Variants in CDH20 observed in about 807,000 individuals in gnomAD.
The protein encoded by CDH20 is cadherin-20.
Under a neutral mutation model 74.2 loss-of-function variants are expected in CDH20, and 29 were observed. That is an observed-to-expected ratio of 0.39 (90% CI 0.29 to 0.53). CDH20 has a LOEUF of 0.53. Among genes scored for constraint, CDH20 ranks in the 20% least tolerant of loss-of-function variants. The probability of loss-of-function intolerance (pLI) is 0.69; values close to 1 mark genes in which losing one functional copy is unlikely to be tolerated. For missense variants in CDH20, 988 were observed against 1,048.3 expected, an observed-to-expected ratio of 0.94 and a Z score of 0.79; for synonymous variants, 469 against 405.4, an observed-to-expected ratio of 1.16 and a Z score of -1.88.
chr18:61,343,908 G>A (rs1427837233), intron 1 of CDH20, among the ~76,000 whole-genome samples: 1 of 152,162 alleles, frequency 6.6e-6, no homozygotes, highest in African/African-American at 2.4e-5. Flanking sequence ...GCCCTACAGT[G>A]AAGTGAGCTT....
At chr18:61,515,149 G>A (rs7228340) in intron 6 of CDH20, among the ~76,000 whole-genome samples, 43,592 of 151,914 alleles carry the variant, frequency 0.29, 6,483 homozygotes, top group African/African-American at 0.31. Flanking sequence ...AGCAATCAGC[G>A]AGACTCCGTG....
At chr18:61,374,713 TTG>T (rs1911156352) in intron 1 of CDH20, among the ~76,000 whole-genome samples, 2 of 152,008 alleles carry the variant, frequency 1.3e-5, no homozygotes, top group Non-Finnish European at 2.9e-5. Flanking sequence ...TGGCTTCCAG[TTG>T]TGTGTTAAAG....
chr18:61,515,236 ATAT>A (rs1262571178), intron 6 of CDH20, among the ~76,000 whole-genome samples: 1 of 152,044 alleles, frequency 6.6e-6, no homozygotes, highest in Non-Finnish European at 1.5e-5. Flanking sequence ...GAAAAGCGCA[ATAT>A]TCGGGTAGGA....
chr18:61,337,367 A>C (rs1909793502), intron 1 of CDH20, among the ~76,000 whole-genome samples: 1 of 152,230 alleles, frequency 6.6e-6, no homozygotes, highest in Non-Finnish European at 1.5e-5. Context: ...TTCTAGTATT[A>C]AATATATTTT....
chr18:61,515,919 A>G (rs1034322022), intron 6 of CDH20, among the ~76,000 whole-genome samples: 2 of 102,308 alleles, frequency 2.0e-5, no homozygotes, highest in African/African-American at 7.6e-5. Context: ...CCTAAAACTT[A>G]AAGTATAATA....
chr18:61,538,596 G>GTTGTTTTTTTTTT (rs1912899197), intron 8 of CDH20, among the ~76,000 whole-genome samples: 1 of 24,518 alleles, frequency 4.1e-5, no homozygotes, highest in Non-Finnish European at 9.7e-5. Flanking sequence ...TTGTTTGTTT[G>GTTGTTTTTTTTTT]TTTTTGTTTT....
intron 1 of CDH20, among the ~76,000 whole-genome samples, chr18:61,453,482 T>C (rs1389534560): frequency 1.3e-5 from 2 of 152,198 alleles, no homozygotes; most frequent in Non-Finnish European, 2.9e-5. Flanking sequence ...GGTTTCACCA[T>C]GTTGACCAGG....
At chr18:61,471,642 T>C (rs1366713401) in intron 1 of CDH20, among the ~76,000 whole-genome samples, 1 of 152,158 alleles carries the variant, frequency 6.6e-6, no homozygotes, top group Non-Finnish European at 1.5e-5. Flanking sequence ...TGCAAAAGTT[T>C]AAGATGTAAA....
At chr18:61,402,005 T>C (rs570470132) in intron 1 of CDH20, among the ~76,000 whole-genome samples, 2 of 152,192 alleles carry the variant, frequency 1.3e-5, no homozygotes, top group Non-Finnish European at 2.9e-5. Context: ...TGAGGGAATA[T>C]TGACCAAAGG....
In CDH20 at chr18:61,353,860, T is replaced by C. The variant is rs1910397249; in HGVS notation, c.-153+20033T>C. Among the ~76,000 whole-genome samples the C allele has an allele frequency of 6.6e-6, 1 of 152,002 alleles. No homozygotes were observed. Among genetic ancestry groups the C allele is most frequent in the Admixed American group, 6.6e-5 (1 of 15,250 alleles). On this transcript the variant is annotated intron_variant, in intron 1 of 11. Transcript: ENST00000262717. The surrounding 1 kb of genome is among the most constrained non-coding windows in gnomAD (Gnocchi z 4.6). ...ATTTTAGGAGGCCGGGGCGGTTGGA[T>C]TGCCTGAACTCTGTAGTTCATAACC...
chr18:61,450,513 A>T (rs1909348951), intron 1 of CDH20, among the ~76,000 whole-genome samples: 1 of 152,078 alleles, frequency 6.6e-6, no homozygotes, highest in African/African-American at 2.4e-5. Flanking sequence ...CTTTTCTAGA[A>T]CATTCTTCAA....
intron 11 of CDH20, among the ~76,000 whole-genome samples, chr18:61,551,626 G>A (rs917684019): frequency 3.9e-5 from 6 of 152,184 alleles, no homozygotes; most frequent in African/African-American, 1.4e-4. Context: ...TGTGTCAAGA[G>A]AAAATTGTTA....
rs564893494 is a variant in CDH20, at chr18:61,419,779, T to A, written c.-152-70623T>A. 3.3e-5 allele frequency among the ~76,000 whole-genome samples: 5 copies of A among 152,344 alleles called. No homozygotes were observed. The South Asian group carries it at 8.3e-4, about 25-fold the overall frequency. ...ATTTATCAATGTTTCTCTTACAATGTATTTCCAATAACTGATTATAATGGT... is the reference window on the plus strand; with the variant it reads ...ATTTATCAATGTTTCTCTTACAATGAATTTCCAATAACTGATTATAATGGT... On this transcript the variant is annotated intron_variant, in intron 1 of 11. Transcript: ENST00000262717.
chr18:61,484,408 A>C (rs1233179317), intron 1 of CDH20, among the ~76,000 whole-genome samples: 3 of 152,192 alleles, frequency 2.0e-5, no homozygotes, highest in Non-Finnish European at 4.4e-5. Flanking sequence ...TAAAACATTT[A>C]CTAGATACTA....
intron 1 of CDH20, among the ~76,000 whole-genome samples, chr18:61,470,626 A>G (rs1410774850): frequency 6.6e-6 from 1 of 152,214 alleles, no homozygotes; most frequent in East Asian, 1.9e-4. Flanking sequence ...AGAGAATGAA[A>G]GATTATCAAG....
At chr18:61,404,983 T>C (rs571244306) in intron 1 of CDH20, 42 of 710,718 alleles carry the variant, frequency 5.9e-5, no homozygotes, top group South Asian at 5.8e-4. Context: ...TTATTGCCAC[T>C]GTAGTGATGG....
intron 6 of CDH20, among the ~76,000 whole-genome samples, chr18:61,518,166 T>G (rs1912073391): frequency 6.6e-6 from 1 of 152,004 alleles, no homozygotes. Flanking sequence ...AAAAAACACC[T>G]GGGGGAAGGG....
intron 1 of CDH20, among the ~76,000 whole-genome samples, chr18:61,347,287 A>AAT (rs758677743): frequency 0.092 from 7,871 of 85,726 alleles, 447 homozygotes; most frequent in Non-Finnish European, 0.11. Context: ...TGTCTCTGCT[A>AAT]ATATATATAT....
chr18:61,447,169 C>T (rs547802106), intron 1 of CDH20, among the ~76,000 whole-genome samples: 10 of 152,228 alleles, frequency 6.6e-5, no homozygotes, highest in East Asian at 1.9e-4. Flanking sequence ...GAAACACGAA[C>T]GTTTGAATAT....
Sources: gnomAD v4.1 joint callset for allele counts (sites outside exome capture counted in the v4.1 genomes callset) on GRCh38, gnomAD v4.1.1 for gene constraint, Gnocchi (gnomAD v3.1) non-coding constraint, MANE v1.5 for transcripts, NCBI Gene and HGNC (gene_info 2026-07-23, HGNC 2026-07-21) for gene names.